The following ATXN7 variants were observed in gnomAD, a reference collection of about 807,000 sequenced individuals.
ATXN7 encodes the protein ataxin 7, also known as ataxin-7.
ATXN7 carries 12 observed loss-of-function variants against 70.5 expected under a neutral mutation model. The ratio of observed to expected loss-of-function variants is 0.17; its 90% CI spans 0.11 to 0.28. The LOEUF (loss-of-function observed/expected upper bound fraction) is 0.28. ATXN7 is among the 10% of genes least tolerant of loss of function. The pLI is 1.00. For missense variants in ATXN7, 1,256 were observed against 1,131.7 expected (o/e 1.11, Z -1.58); for synonymous variants, 498 against 448.7 (o/e 1.11, Z -1.39).
At chr3:63,912,436 G>A (rs1382492563) in intron 2 of ATXN7, among the ~76,000 whole-genome samples, 152 bp from the exon 3 acceptor site, 5 of 151,544 alleles carry the variant, frequency 3.3e-5, no homozygotes, top group Non-Finnish European at 7.4e-5. Context: ...GTGGCCTTGA[G>A]GAGGCGGGCT....
chr3:63,874,492 A>C (rs1244529209), intron 1 of ATXN7, among the ~76,000 whole-genome samples: 1 of 152,240 alleles, frequency 6.6e-6, no homozygotes, highest in Non-Finnish European at 1.5e-5. Context: ...TATACAGAGC[A>C]TTTGCACGTA....
rs755713008 is a variant in ATXN7 at position 63,999,586 on chromosome 3, C to T, written c.*119C>T. 1.9e-6 allele frequency: 3 copies of T among 1,540,830 alleles called. No homozygotes were observed. In the African/African-American group the frequency reaches 4.1e-5, roughly 21 times the overall value. On this transcript the variant is annotated 3_prime_UTR_variant, in exon 13 of 13. Coordinates refer to ENST00000674280, the MANE Select transcript of ATXN7 (RefSeq NM_001377405.1). ...TCTGTTTTCCCAACCTCCTGTGGGC[C>T]TCAAGGGTAGAAACCTGCCGGGCTG...
intron 1 of ATXN7, among the ~76,000 whole-genome samples, chr3:63,869,555 G>T (rs915157945): frequency 6.6e-6 from 1 of 152,068 alleles, no homozygotes; most frequent in Non-Finnish European, 1.5e-5. Context: ...CTCCCTAGTA[G>T]CTGGGATTAC....
chr3:63,929,397 C>A (rs1704849832), intron 4 of ATXN7, among the ~76,000 whole-genome samples: 7 of 151,922 alleles, frequency 4.6e-5, no homozygotes, highest in Admixed American at 3.9e-4. Flanking sequence ...CTCAGCCTCC[C>A]AGGTAGCTGG....
intron 11 of ATXN7, among the ~76,000 whole-genome samples, chr3:63,993,116 A>G (rs2075697930): frequency 6.6e-6 from 1 of 152,162 alleles, no homozygotes; most frequent in South Asian, 2.1e-4. Context: ...CAGTGGTGAA[A>G]TTAGACCAGC....
In ATXN7 at chr3:63,907,477, T is replaced by G. The variant is rs1373458699; in HGVS notation, c.-11-5111T>G. Among the ~76,000 whole-genome samples, 15 of 134,914 alleles carry G rather than the reference T, an allele frequency of 1.1e-4. No homozygotes were observed. The South Asian group carries it at 2.3e-3, about 21-fold the overall frequency. 88.5% of individuals were successfully genotyped at this position (134,914 alleles called of 152,430 possible). The stretch of plus-strand genomic sequence containing the variant: ...TTGTCTTTTTTTTTTTTTTTTTTTT[T>G]GTAACAGGGTCTTGTTCTGTCATCC... On this transcript the variant is annotated intron_variant, in intron 2 of 12. Coordinates refer to ENST00000674280, the MANE Select transcript of ATXN7 (RefSeq NM_001377405.1).
intron 1 of ATXN7, among the ~76,000 whole-genome samples, chr3:63,888,366 C>T (rs1703150389): frequency 6.6e-6 from 1 of 152,156 alleles, no homozygotes. Flanking sequence ...AACTATAGTG[C>T]AGTATTAAAA....
chr3:63,909,553 A>C (rs1389239645), intron 2 of ATXN7, among the ~76,000 whole-genome samples: 1 of 152,126 alleles, frequency 6.6e-6, no homozygotes, highest in Non-Finnish European at 1.5e-5. Flanking sequence ...TTTCTGTTGT[A>C]CTCTTGTTTA....
intron 8 of ATXN7, among the ~76,000 whole-genome samples, chr3:63,983,926 A>G (rs2075530561): frequency 6.6e-6 from 1 of 152,136 alleles, no homozygotes; most frequent in Admixed American, 6.5e-5. Context: ...TAGAGGGAGG[A>G]AGTAAAAATG....
chr3:63,904,744 A>C (rs1175936329), intron 2 of ATXN7: 2 of 152,202 alleles, frequency 1.3e-5, no homozygotes, highest in Admixed American at 6.5e-5. Context: ...TTTTGAGTGT[A>C]TACCTAGAAG....
intron 1 of ATXN7, chr3:63,864,413 T>TGGCGCCC (rs1229457748): frequency 6.6e-6 from 1 of 151,880 alleles, no homozygotes; most frequent in African/African-American, 2.4e-5. Context: ...CCCGCGAAGT[T>TGGCGCCC]GGCGCCCACG....
intron 4 of ATXN7, among the ~76,000 whole-genome samples, chr3:63,939,102 T>C (rs1430407468): frequency 6.6e-6 from 1 of 152,138 alleles, no homozygotes; most frequent in Non-Finnish European, 1.5e-5. Context: ...GCTTCTTTGG[T>C]ATCTTGGCTG....
At chr3:63,966,130 G>A (rs1420425241) in intron 5 of ATXN7, among the ~76,000 whole-genome samples, 1 of 152,148 alleles carries the variant, frequency 6.6e-6, no homozygotes, top group Non-Finnish European at 1.5e-5. Context: ...CACTGTGTAC[G>A]AAAGGGAATA....
rs1273191995 is a variant in ATXN7 at position 63,912,609 on chromosome 3, G to A, written c.11G>A (p.Arg4Gln). 3 of 1,097,972 alleles carry A rather than the reference G, an allele frequency of 2.7e-6. No individual in the cohort carries two copies. In the African/African-American group the frequency reaches 5.2e-5, roughly 19 times the overall value. The allele number at this position is 1,097,972 out of a possible 1,614,324, so 68.0% of individuals were successfully genotyped here. MSE[R>Q]AADDVRGEPR... The stretch of plus-strand genomic sequence containing the variant: ...GTAGGAGCGGAAAGAATGTCGGAGC[G>A]GGCCGCGGATGACGTCAGGGGGGAG... Residue 4 changes from arginine (R) to glutamine (Q), a missense_variant, in exon 3 of 13, where the codon CGG (arginine) becomes CAG (glutamine). Coordinates refer to ENST00000674280, the MANE Select transcript of ATXN7 (RefSeq NM_001377405.1).
At chr3:63,907,739 C>G (rs1488389276) in intron 2 of ATXN7, among the ~76,000 whole-genome samples, 1 of 151,722 alleles carries the variant, frequency 6.6e-6, no homozygotes, top group East Asian at 1.9e-4. Context: ...CAGACCATCA[C>G]GCCTGGCCTC....
chr3:63,900,021 C>T (rs1466654783), intron 2 of ATXN7, among the ~76,000 whole-genome samples: 4 of 152,088 alleles, frequency 2.6e-5, no homozygotes, highest in Admixed American at 1.3e-4. Flanking sequence ...GAGCTTGAGG[C>T]GGCAGTTAGC....
At position 63,990,257 on chromosome 3, in the gene ATXN7, G is replaced by T; in HGVS notation, c.1443G>T (p.Leu481=). Residue 481 remains leucine (L), a synonymous_variant, in exon 10 of 13, where the codon CTG becomes CTT. Coordinates refer to ENST00000674280, the MANE Select transcript of ATXN7 (RefSeq NM_001377405.1). ...PPVHESPHPP[L]PATEPASRLS... ...TCCATGAATCTCCACACCCTCCCCT[G>T]CCTGCCACTGAGCCAGCTTCTCGGT... 1 of 1,614,076 alleles carries T rather than the reference G, an allele frequency of 6.2e-7. No individual in the cohort carries two copies. Among genetic ancestry groups the T allele is most frequent in the South Asian group, 1.1e-5 (1 of 91,072 alleles).
intron 8 of ATXN7, among the ~76,000 whole-genome samples, chr3:63,983,466 A>G (rs536450243): frequency 1.1e-4 from 16 of 152,214 alleles, no homozygotes; most frequent in Non-Finnish European, 2.1e-4. Flanking sequence ...GTGATTTTGA[A>G]ATATCCCTGT....
chr3:63,872,161 C>G (rs1002250404), intron 1 of ATXN7, among the ~76,000 whole-genome samples: 1 of 152,112 alleles, frequency 6.6e-6, no homozygotes, highest in Admixed American at 6.6e-5. Flanking sequence ...CATAGTGACT[C>G]TTTGTGGACT....
Sources: gnomAD v4.1 joint callset for allele counts (sites outside exome capture counted in the v4.1 genomes callset) on GRCh38, gnomAD v4.1.1 for gene constraint, MANE v1.5 for transcripts, NCBI Gene and HGNC (gene_info 2026-07-23, HGNC 2026-07-21) for gene names.